VWA3B: variants seen among roughly 807,000 people sequenced by gnomAD.
The protein encoded by VWA3B is von Willebrand factor A domain containing 3B, also known as von Willebrand factor A domain-containing protein 3B.
VWA3B carries 138 observed loss-of-function variants against 158.3 expected under a neutral mutation model. The ratio of observed to expected loss-of-function variants is 0.87; its 90% CI spans 0.76 to 1.00. VWA3B has a LOEUF of 1.00. VWA3B is among the 50% of genes least tolerant of loss of function. The pLI, the probability that VWA3B is intolerant of heterozygous loss-of-function variation, is 0.00. For synonymous variants in VWA3B, 596 were observed against 587.3 expected, an observed-to-expected ratio of 1.01 and a Z score of -0.21; for missense variants, 1,555 against 1,565.1, an observed-to-expected ratio of 0.99 and a Z score of 0.11.
intron 26 of VWA3B, among the ~76,000 whole-genome samples, chr2:98,304,663 C>T (rs919535532): frequency 1.3e-5 from 2 of 152,176 alleles, no homozygotes; most frequent in Admixed American, 1.3e-4. Flanking sequence ...TCACCCCAGG[C>T]TGATCTGTCC....
intron 27 of VWA3B, 51 bp downstream of exon 27, chr2:98,312,083 G>A: frequency 6.2e-7 from 1 of 1,602,600 alleles, no homozygotes. Flanking sequence ...GGAACACCCT[G>A]AAATCCCTTT....
At chr2:98,168,647 A>G (rs539126066) in intron 8 of VWA3B, among the ~76,000 whole-genome samples, 1 of 152,306 alleles carries the variant, frequency 6.6e-6, no homozygotes, top group East Asian at 1.9e-4. Flanking sequence ...AAAGACACAT[A>G]CTGAACTTTT....
At chr2:98,110,330 T>C (rs1211334969) in intron 2 of VWA3B, among the ~76,000 whole-genome samples, 1 of 152,158 alleles carries the variant, frequency 6.6e-6, no homozygotes, top group Non-Finnish European at 1.5e-5. Context: ...GATTATTCTA[T>C]TTTTTGCTCT....
chr2:98,268,572 T>C (rs916148790), intron 21 of VWA3B, among the ~76,000 whole-genome samples: 1 of 152,120 alleles, frequency 6.6e-6, no homozygotes, highest in Non-Finnish European at 1.5e-5. Context: ...TGTTCATGCA[T>C]CACTTTTCTG....
At chr2:98,116,847 C>T (rs1674577736) in intron 3 of VWA3B, among the ~76,000 whole-genome samples, 1 of 152,114 alleles carries the variant, frequency 6.6e-6, no homozygotes, top group African/African-American at 2.4e-5. Context: ...TTTTGTCTGC[C>T]TACATTGATT....
intron 1 of VWA3B, among the ~76,000 whole-genome samples, chr2:98,088,346 G>A (rs1411323393): frequency 5.9e-5 from 9 of 152,214 alleles, no homozygotes; most frequent in Non-Finnish European, 2.9e-5. Flanking sequence ...CTGAACCTCC[G>A]AGCACATAGG....
chr2:98,311,721 G>A, intron 26 of VWA3B, 98 bp from the exon 27 acceptor site: 5 of 1,370,368 alleles, frequency 3.6e-6, no homozygotes, highest in Non-Finnish European at 3.9e-6. Flanking sequence ...GAGGGACGTG[G>A]GCAAGGAGCT....
chr2:98,226,312 A>G (rs1481504968), intron 14 of VWA3B, among the ~76,000 whole-genome samples: 2 of 152,254 alleles, frequency 1.3e-5, no homozygotes, highest in Non-Finnish European at 2.9e-5. Flanking sequence ...TGCAAAAGCA[A>G]TCCAGCGGAG....
chr2:98,318,934 G>T, the VWA3B span, among the ~76,000 whole-genome samples: 1 of 152,144 alleles, frequency 6.6e-6, no homozygotes, highest in South Asian at 2.1e-4. Flanking sequence ...CCTGCAGTTG[G>T]CCCTGTGGAA....
At chr2:98,088,739 C>G (rs1460707288) in intron 1 of VWA3B, among the ~76,000 whole-genome samples, 3 of 152,040 alleles carry the variant, frequency 2.0e-5, no homozygotes, top group Admixed American at 6.6e-5. Flanking sequence ...ATAGTTTTAT[C>G]AGAAAATAAT....
In VWA3B at chr2:98,206,543, G is replaced by A. The variant is rs536566002; in HGVS notation, c.1738-5387G>A. Reference sequence around the variant, plus strand: ...AGTCCTGGATTCTGGTGCACCAATCGAAAGTCCTGTTGGTCCTGAGACTTT... The same window carrying A: ...AGTCCTGGATTCTGGTGCACCAATCAAAAGTCCTGTTGGTCCTGAGACTTT... On this transcript the variant is annotated intron_variant, in intron 12 of 27. Transcript: ENST00000477737. 9.6e-5 allele frequency: 48 copies of A among 500,348 alleles called. 1 individual carries two copies. The East Asian group carries it at 2.0e-3, about 21-fold the overall frequency. The allele number at this position is 500,348 out of a possible 1,614,324, so 31.0% of individuals were successfully genotyped here.
Position 98,133,817 on chromosome 2 carries a change from G to T in VWA3B, c.873-7G>T. The T allele has an allele frequency of 6.2e-7, 1 of 1,613,624 alleles. No individual in the cohort carries two copies. Among genetic ancestry groups the T allele is most frequent in the Non-Finnish European group, 8.5e-7 (1 of 1,179,620 alleles). On this transcript the variant is annotated splice_region_variant and splice_polypyrimidine_tract_variant and intron_variant, in intron 6 of 27. Transcript: ENST00000477737. ...GCCTTCCTAATGAGCATCTCTTCAC[G>T]TTTCAGATTCCACGCATTTGCCGAG...
At chr2:98,209,502 G>A (rs539406365) in intron 12 of VWA3B, among the ~76,000 whole-genome samples, 1 of 152,130 alleles carries the variant, frequency 6.6e-6, no homozygotes, top group Admixed American at 6.5e-5. Flanking sequence ...GGATGCTCTC[G>A]ATCTCCTGAC....
intron 8 of VWA3B, among the ~76,000 whole-genome samples, chr2:98,170,204 C>A (rs923667628): frequency 2.6e-5 from 4 of 152,176 alleles, no homozygotes; most frequent in African/African-American, 9.7e-5. Flanking sequence ...TTTGATGATG[C>A]TGCCTCTCAA....
intron 25 of VWA3B, among the ~76,000 whole-genome samples, chr2:98,303,043 G>C (rs981037774): frequency 1.4e-4 from 21 of 152,190 alleles, no homozygotes; most frequent in Admixed American, 1.2e-3. Context: ...CAGAGCATGG[G>C]GAAGCCTTCC....
the VWA3B span, among the ~76,000 whole-genome samples, chr2:98,319,146 T>C: frequency 6.6e-6 from 1 of 151,928 alleles, no homozygotes. Context: ...GGACAATGGA[T>C]AGCCATTGGA....
At chr2:98,277,860 G>A (rs1423892127) in intron 22 of VWA3B, among the ~76,000 whole-genome samples, 2 of 152,158 alleles carry the variant, frequency 1.3e-5, no homozygotes, top group South Asian at 2.1e-4. Context: ...AGAGGAAAGT[G>A]TCTTTCAGTT....
intron 3 of VWA3B, among the ~76,000 whole-genome samples, chr2:98,117,532 C>T (rs1674624226): frequency 6.6e-6 from 1 of 152,100 alleles, no homozygotes; most frequent in Non-Finnish European, 1.5e-5. Flanking sequence ...TTAGGGGCTG[C>T]TGGCAATGCT....
At chr2:98,151,170 TG>T (rs1474840041) in intron 7 of VWA3B, among the ~76,000 whole-genome samples, 1 of 151,810 alleles carries the variant, frequency 6.6e-6, no homozygotes, top group Non-Finnish European at 1.5e-5. Flanking sequence ...TGGAGTTCAG[TG>T]GTACGATCTC....
Sources: allele counts gnomAD v4.1 joint callset (sites outside exome capture counted in the v4.1 genomes callset), GRCh38; gene constraint gnomAD v4.1.1; transcripts MANE v1.5; gene names NCBI Gene and HGNC (gene_info 2026-07-23, HGNC 2026-07-21).